The following CLU variants were observed in gnomAD, a reference collection of about 807,000 sequenced individuals.
The protein encoded by CLU is aging-associated protein 4.
Under a neutral mutation model 46.4 loss-of-function variants are expected in CLU, and 25 were observed. The ratio of observed to expected loss-of-function variants is 0.54; its 90% confidence interval spans 0.39 to 0.75. The LOEUF (loss-of-function observed/expected upper bound fraction) is 0.75. Among genes scored for constraint, CLU ranks in the 30% least tolerant of loss-of-function variants. The probability of loss-of-function intolerance (pLI) is 0.00; values close to 1 mark genes in which losing one functional copy is unlikely to be tolerated. For synonymous variants in CLU, 235 were observed against 235.1 expected (o/e 1.00, Z 0.00); for missense variants, 504 against 592.1 (o/e 0.85, Z 1.54).
At chr8:27,612,868 C>T (rs936912815) in intron 1 of CLU, among the ~76,000 whole-genome samples, 2 of 151,544 alleles carry the variant, frequency 1.3e-5, no homozygotes, top group East Asian at 3.9e-4. Flanking sequence ...AAGGCTTAAA[C>T]CACTTGGCCT....
Position 27,604,914 on chromosome 8 carries a change from C to T in CLU, c.829+10G>A. ...TGCTCAAAAGGCCATGAGCTTCCACCCCTTCTCACCTCGTATGAATTCTGT... is the reference window on the plus strand; with the variant it reads ...TGCTCAAAAGGCCATGAGCTTCCACTCCTTCTCACCTCGTATGAATTCTGT... On this transcript the variant is annotated intron_variant, in intron 5 of 8. Coordinates refer to ENST00000316403, the MANE Select transcript of CLU (RefSeq NM_001831.4). 7 of 1,614,126 alleles carry T rather than the reference C, an allele frequency of 4.3e-6. No homozygotes were observed. Among genetic ancestry groups the T allele is most frequent in the Non-Finnish European group, 5.9e-6 (7 of 1,180,024 alleles).
chr8:27,599,527 G>T lies in CLU; in HGVS notation c.1164+253C>A, dbSNP rs908452726. The T allele has an allele frequency of 3.8e-6, 2 of 519,690 alleles. No homozygotes were observed. Among genetic ancestry groups the T allele is most frequent in the South Asian group, 2.2e-5 (1 of 45,662 alleles). The allele number at this position is 519,690 out of a possible 1,614,324, so 32.2% of individuals were successfully genotyped here. A position where few individuals can be genotyped will look rare whatever the true frequency, so the allele number is the denominator to read the frequency against. On this transcript the variant is annotated intron_variant, in intron 7 of 8. Coordinates refer to ENST00000316403, the MANE Select transcript of CLU (RefSeq NM_001831.4). This position sits in a 1 kb window ranked among gnomAD's most constrained non-coding sequence, Gnocchi z 4.0. ...ACAGGCTTGGCAGCCAGGCAGTCAG[G>T]TTCAAATACCCGTCCAAGTCATCTG...
intron 3 of CLU, among the ~76,000 whole-genome samples, chr8:27,607,382 T>C (rs1221283472): frequency 6.9e-6 from 1 of 144,190 alleles, no homozygotes; most frequent in Non-Finnish European, 1.5e-5. Flanking sequence ...AGACTCTATC[T>C]CAAAGGAATC....
chr8:27,598,473 G>T lies in CLU; in HGVS notation c.1327C>A (p.Arg443Ser), dbSNP rs755660655. The change falls in exon 8 of 9, where the codon CGC becomes AGC. Residue 443 changes from arginine (R) to serine (S), a missense_variant. Coordinates refer to ENST00000316403, the MANE Select transcript of CLU (RefSeq NM_001831.4). The stretch of plus-strand genomic sequence containing the variant: ...CCGCCTGCTTACCGGTGCTTTTTGC[G>T]GTATTCCTGCAGCGCTTTCTCCGCC... ...TVAEKALQEY[R>S]KKHREE 2.5e-6 allele frequency: 4 copies of T among 1,613,824 alleles called. No homozygotes were observed. The highest frequency in any genetic ancestry group is 3.4e-6 in the Non-Finnish European group (4 of 1,180,022).
intron 5 of CLU, among the ~76,000 whole-genome samples, 163 bp downstream of exon 5, chr8:27,604,761 G>A (rs1278609980): frequency 6.6e-6 from 1 of 152,196 alleles, no homozygotes; most frequent in Non-Finnish European, 1.5e-5. Flanking sequence ...TCACAGGCAT[G>A]AGCCACCATG....
At chr8:27,609,152 A>G in intron 2 of CLU, 66 bp from the exon 3 acceptor site, 1 of 1,576,426 alleles carries the variant, frequency 6.3e-7, no homozygotes, top group South Asian at 1.1e-5. Context: ...CCCTGGAATG[A>G]GCTGGATGGC....
intron 7 of CLU, chr8:27,598,981 G>A (rs1585250429): frequency 5.3e-6 from 1 of 188,526 alleles, no homozygotes; most frequent in East Asian, 1.3e-4. Context: ...AGAAAGAAAA[G>A]AAAAAGAAGA....
chr8:27,604,359 C>T lies in CLU; in HGVS notation c.866G>A (p.Arg289His), dbSNP rs775045101. Reference sequence around the variant, plus strand: ...CCGCAGGCAGCCCGTGGAGTTGTGGCGGATCTCCCGGCACACAGTCCGGTC... The same window carrying T: ...CCGCAGGCAGCCCGTGGAGTTGTGGTGGATCTCCCGGCACACAGTCCGGTC... ...DDDRTVCREIRHNSTGCLRMK... is the reference protein window; with the variant it reads ...DDDRTVCREIHHNSTGCLRMK... The change falls in exon 6 of 9, where the codon CGC becomes CAC. Residue 289 changes from arginine to histidine, a missense_variant. Physicochemically the swap from Arg to His is conservative, Grantham distance 29 (BLOSUM62 0). Coordinates refer to ENST00000316403, the MANE Select transcript of CLU (RefSeq NM_001831.4). 19 of 1,614,014 alleles carry T rather than the reference C, an allele frequency of 1.2e-5. No homozygotes were observed. Among genetic ancestry groups the T allele is most frequent in the South Asian group, 7.7e-5 (7 of 91,090 alleles).
In CLU at chr8:27,599,673, T is replaced by G. The variant is rs1800680793; in HGVS notation, c.1164+107A>C. 4 of 869,680 alleles carry G rather than the reference T, an allele frequency of 4.6e-6. No individual in the cohort carries two copies. The highest frequency in any genetic ancestry group is 7.5e-6 in the Non-Finnish European group (4 of 534,474). The allele number at this position is 869,680 out of a possible 1,614,324, so 53.9% of individuals were successfully genotyped here. ...AAGGCAACAGGGGCGCCTAAAGTTT[T>G]CTATTTTCTGCCGTGTGATAAATGC... On this transcript the variant is annotated intron_variant, in intron 7 of 8. Coordinates refer to ENST00000316403, the MANE Select transcript of CLU (RefSeq NM_001831.4). This position sits in a 1 kb window ranked among gnomAD's most constrained non-coding sequence, Gnocchi z 4.0.
intron 3 of CLU, among the ~76,000 whole-genome samples, chr8:27,608,190 A>C (rs1040810164): frequency 6.6e-6 from 1 of 152,166 alleles, no homozygotes; most frequent in East Asian, 1.9e-4. Flanking sequence ...GCCAGGAAAA[A>C]AAAACAAAAA....
At chr8:27,613,811 T>G (rs1800969068) in intron 1 of CLU, 1 of 152,240 alleles carries the variant, frequency 6.6e-6, no homozygotes, top group Non-Finnish European at 1.5e-5. Context: ...TAACTTAACA[T>G]TTTCATGGGC....
chr8:27,598,832 A>G (rs1800664837), intron 7 of CLU, 197 bp from the exon 8 acceptor site: 1 of 610,896 alleles, frequency 1.6e-6, no homozygotes, highest in African/African-American at 1.8e-5. Context: ...ACAGACACTC[A>G]TGTGTTGGGG....
At chr8:27,600,625 A>G (rs961037027) in intron 6 of CLU, among the ~76,000 whole-genome samples, 1 of 152,176 alleles carries the variant, frequency 6.6e-6, no homozygotes, top group African/African-American at 2.4e-5. Flanking sequence ...CTCTTTGGTG[A>G]CAAACTGTGT....
At chr8:27,614,530 C>A (rs770170861) in intron 1 of CLU, 125 bp downstream of exon 1, 1 of 366,130 alleles carries the variant, frequency 2.7e-6, no homozygotes, top group East Asian at 9.2e-5. Flanking sequence ...TCCTGGGCTC[C>A]GTCGAAAGCG....
At position 27,597,401 on chromosome 8, in the gene CLU, A is replaced by T. The variant is rs1217405144; in HGVS notation, c.*840T>A. 2.2e-6 allele frequency: 1 copy of T among 454,502 alleles called. No individual in the cohort carries two copies. 28.2% of individuals were successfully genotyped at this position (454,502 alleles called of 1,614,324 possible). The stretch of plus-strand genomic sequence containing the variant: ...GCCGAGAAACGCCTGTGGTCCAGGG[A>T]AAGGTATGAAGATCATATAAACCGG... On this transcript the variant is annotated 3_prime_UTR_variant, in exon 9 of 9. Coordinates refer to ENST00000316403, the MANE Select transcript of CLU (RefSeq NM_001831.4).
intron 1 of CLU, chr8:27,611,132 A>G (rs534623793): frequency 2.5e-4 from 111 of 447,384 alleles, no homozygotes; most frequent in African/African-American, 1.9e-3. Context: ...GCCCCCAGGG[A>G]GTCTCAGCAC....
rs994345640 is a variant in CLU, at chr8:27,597,309, C to T, written c.*932G>A. ...TGAGCTTTAAGACTGAGATTGGTAC[C>T]ACGGGTAGTCATGGCCACCTGCTGG... On this transcript the variant is annotated 3_prime_UTR_variant, in exon 9 of 9. Transcript: ENST00000316403. 1.8e-5 allele frequency: 8 copies of T among 454,346 alleles called. No homozygotes were observed. The highest frequency in any genetic ancestry group is 1.4e-4 in the East Asian group (2 of 14,410). 28.1% of individuals were successfully genotyped at this position (454,346 alleles called of 1,614,324 possible).
intron 2 of CLU, 67 bp from the exon 3 acceptor site, chr8:27,609,153 G>T: frequency 6.4e-7 from 1 of 1,569,942 alleles, no homozygotes; most frequent in Non-Finnish European, 8.7e-7. Context: ...CCTGGAATGA[G>T]CTGGATGGCC....
rs1025191221 is a variant in CLU at position 27,597,283 on chromosome 8, C to T, written c.*958G>A. On this transcript the variant is annotated 3_prime_UTR_variant, in exon 9 of 9. Coordinates refer to ENST00000316403, the MANE Select transcript of CLU (RefSeq NM_001831.4). ...CAGAGAATGTTAATGAACGAAAAGCCTGAGCTTTAAGACTGAGATTGGTAC... is the reference window on the plus strand; with the variant it reads ...CAGAGAATGTTAATGAACGAAAAGCTTGAGCTTTAAGACTGAGATTGGTAC... 1.5e-5 allele frequency: 7 copies of T among 454,488 alleles called. No homozygotes were observed. Among genetic ancestry groups the T allele is most frequent in the Middle Eastern group, 6.9e-4 (1 of 1,444 alleles). 28.2% of individuals were successfully genotyped at this position (454,488 alleles called of 1,614,324 possible).
Sources: allele counts gnomAD v4.1 joint callset (sites outside exome capture counted in the v4.1 genomes callset), GRCh38; gene constraint gnomAD v4.1.1; non-coding constraint Gnocchi (gnomAD v3.1); transcripts MANE v1.5; gene names NCBI Gene and HGNC (gene_info 2026-07-23, HGNC 2026-07-21).